RFX3: variants seen among roughly 807,000 people sequenced by gnomAD.
RFX3 encodes regulatory factor X3, also known as transcription factor RFX3.
A neutral mutation model predicts 98.6 loss-of-function variants in RFX3; 14 were observed. The observed-to-expected ratio is 0.14, with a 90% CI of 0.09 to 0.22. RFX3 has a LOEUF of 0.22. Among genes scored for constraint, RFX3 ranks in the 10% least tolerant of loss-of-function variants. The pLI is 1.00. For missense variants in RFX3, 639 were observed against 926.9 expected, an observed-to-expected ratio of 0.69 and a Z score of 4.03; for synonymous variants, 383 against 328.4, an observed-to-expected ratio of 1.17 and a Z score of -1.80.
At chr9:3,408,482 C>T (rs533214089) in intron 1 of RFX3, among the ~76,000 whole-genome samples, 11 of 152,120 alleles carry the variant, frequency 7.2e-5, no homozygotes, top group East Asian at 3.9e-4. Flanking sequence ...TTACAAGGAT[C>T]GGTCAAGCAG....
At chr9:3,322,659 G>A (rs1831449559) in intron 4 of RFX3, among the ~76,000 whole-genome samples, 1 of 152,166 alleles carries the variant, frequency 6.6e-6, no homozygotes, top group South Asian at 2.1e-4. Flanking sequence ...CTTGAACCCA[G>A]GAGGTGGAGG....
At chr9:3,287,852 G>T (rs1826836618) in intron 7 of RFX3, among the ~76,000 whole-genome samples, 1 of 151,868 alleles carries the variant, frequency 6.6e-6, no homozygotes, top group South Asian at 2.1e-4. Context: ...TATTTGCTTG[G>T]GTATGCTCCT....
intron 16 of RFX3, among the ~76,000 whole-genome samples, chr9:3,226,930 T>C (rs901517547): frequency 2.0e-5 from 3 of 152,116 alleles, no homozygotes; most frequent in African/African-American, 4.8e-5. Context: ...GGAGCAAATA[T>C]CCCTTATATT....
At chr9:3,477,873 A>T (rs1564153621) in intron 1 of RFX3, among the ~76,000 whole-genome samples, 1 of 152,152 alleles carries the variant, frequency 6.6e-6, no homozygotes, top group Non-Finnish European at 1.5e-5. Context: ...ATCTCTATTG[A>T]CCTAACTTCG....
rs563895402 is a variant in RFX3, at chr9:3,380,941, TAA to T, written c.117+14529_117+14530del. ...TCTCTAGATCACTTTTTTCCCATGA[TAA>T]AGTTTCTCAACTTCTCTGATGCGCT... is the stretch of plus-strand genomic sequence containing the variant. On this transcript the variant is annotated intron_variant, in intron 2 of 16. Transcript: ENST00000617270. 1.5e-3 allele frequency among the ~76,000 whole-genome samples: 228 copies of T among 152,272 alleles called. 1 individual carries two copies. The highest frequency in any genetic ancestry group is 0.01 in the Middle Eastern group (3 of 292).
chr9:3,269,195 A>C (rs980201843), intron 11 of RFX3, among the ~76,000 whole-genome samples: 4 of 151,934 alleles, frequency 2.6e-5, no homozygotes, highest in African/African-American at 7.2e-5. Context: ...TTCCTATATA[A>C]ATTTACGTGT....
chr9:3,424,497 G>A (rs375241571), intron 1 of RFX3, among the ~76,000 whole-genome samples: 9,379 of 150,980 alleles, frequency 0.062, 925 homozygotes, highest in African/African-American at 0.21. Flanking sequence ...GAGTAGCTGG[G>A]ACTACAGGCG....
intron 12 of RFX3, among the ~76,000 whole-genome samples, chr9:3,265,937 A>G (rs1476595184): frequency 1.3e-5 from 2 of 152,096 alleles, no homozygotes; most frequent in African/African-American, 2.4e-5. Flanking sequence ...TTTAGAATAT[A>G]TATATCTACT....
chr9:3,489,766 C>G (rs1850590128), intron 1 of RFX3, among the ~76,000 whole-genome samples: 1 of 152,154 alleles, frequency 6.6e-6, no homozygotes, highest in Non-Finnish European at 1.5e-5. Flanking sequence ...CAGGAAAAGA[C>G]TAACCTATGA....
intron 1 of RFX3, among the ~76,000 whole-genome samples, chr9:3,498,945 T>G (rs932207841): frequency 6.6e-6 from 1 of 152,110 alleles, no homozygotes; most frequent in Non-Finnish European, 1.5e-5. Flanking sequence ...GTCCAACCAG[T>G]GTGTTTAAAG....
At chr9:3,303,007 C>T (rs1015445457) in intron 4 of RFX3, among the ~76,000 whole-genome samples, 1 of 151,676 alleles carries the variant, frequency 6.6e-6, no homozygotes, top group Non-Finnish European at 1.5e-5. Flanking sequence ...TAAATTAATT[C>T]ATAGGAAGAT....
chr9:3,501,071 G>C (rs1348008273), intron 1 of RFX3, among the ~76,000 whole-genome samples: 2 of 152,120 alleles, frequency 1.3e-5, no homozygotes, highest in African/African-American at 4.8e-5. Flanking sequence ...ATATAATTAA[G>C]TGTGGCATTC....
At chr9:3,367,989 G>C (rs993009764) in intron 2 of RFX3, among the ~76,000 whole-genome samples, 6 of 152,172 alleles carry the variant, frequency 3.9e-5, no homozygotes, top group Admixed American at 3.9e-4. Flanking sequence ...AGCTATTTCA[G>C]TATTTTAGCT....
rs542467678 is a variant in RFX3, at chr9:3,219,084, G to A, written c.*5958C>T. On this transcript the variant is annotated 3_prime_UTR_variant, in exon 17 of 17. Coordinates refer to ENST00000617270, the MANE Select transcript of RFX3 (RefSeq NM_001282116.2). ...CTCAAGGCACTCACTTAAAGTTTCTGTAACCAATGCATTGGTCACCACCAT... is the reference window on the plus strand; with the variant it reads ...CTCAAGGCACTCACTTAAAGTTTCTATAACCAATGCATTGGTCACCACCAT... 6.6e-6 allele frequency: 1 copy of A among 152,098 alleles called. No individual in the cohort carries two copies. The highest frequency in any genetic ancestry group is 6.5e-5 in the Admixed American group (1 of 15,270). The allele number at this position is 152,098 out of a possible 1,614,324, so 9.4% of individuals were successfully genotyped here.
chr9:3,226,762 A>G lies in RFX3; in HGVS notation c.2012-1482T>C, dbSNP rs190625577. Among the ~76,000 whole-genome samples the G allele has an allele frequency of 5.9e-5, 9 of 152,316 alleles. No individual in the cohort carries two copies. In the South Asian group the frequency reaches 6.2e-4, roughly 11 times the overall value. On this transcript the variant is annotated intron_variant, in intron 16 of 16. Transcript: ENST00000617270. ...GAGGGTATACTTGAAACATGTTTGC[A>G]TGATATGTTTTGGTTTTTCATGTTT... is the stretch of plus-strand genomic sequence containing the variant.
intron 15 of RFX3, among the ~76,000 whole-genome samples, chr9:3,233,445 G>A (rs1423625912): frequency 6.6e-6 from 1 of 152,210 alleles, no homozygotes; most frequent in East Asian, 1.9e-4. Context: ...TTCATAGTGA[G>A]GCAGGCAAGC....
intron 15 of RFX3, chr9:3,247,066 G>C: frequency 1.1e-5 from 11 of 982,736 alleles, no homozygotes; most frequent in Non-Finnish European, 1.3e-5. Context: ...ATTTATATAA[G>C]CACATACACA....
chr9:3,382,482 G>A lies in RFX3; in HGVS notation c.117+12990C>T, dbSNP rs150927641. ...AAACTGAGGGCCTTCAGTCTACTAGGATATATATCCTACTAATTAAAACAA... is the reference window on the plus strand; with the variant it reads ...AAACTGAGGGCCTTCAGTCTACTAGAATATATATCCTACTAATTAAAACAA... On this transcript the variant is annotated intron_variant, in intron 2 of 16. Transcript: ENST00000617270. 5.4e-4 allele frequency among the ~76,000 whole-genome samples: 82 copies of A among 152,166 alleles called. 1 individual carries two copies. The highest frequency in any genetic ancestry group is 2.5e-3 in the Admixed American group (38 of 15,272).
chr9:3,497,402 G>C (rs1032334325), intron 1 of RFX3, among the ~76,000 whole-genome samples: 1 of 151,852 alleles, frequency 6.6e-6, no homozygotes, highest in Non-Finnish European at 1.5e-5. Context: ...GATTATTAAA[G>C]GATAAAGAAA....
Sources: allele counts gnomAD v4.1 joint callset (sites outside exome capture counted in the v4.1 genomes callset), GRCh38; gene constraint gnomAD v4.1.1; transcripts MANE v1.5; gene names NCBI Gene and HGNC (gene_info 2026-07-23, HGNC 2026-07-21).